GRM7: variants seen among roughly 807,000 people sequenced by gnomAD.
GRM7 encodes the protein glutamate metabotropic receptor 7.
A neutral mutation model predicts 84.5 loss-of-function variants in GRM7; 35 were observed. That is an observed-to-expected ratio of 0.41 (90% CI 0.32 to 0.55). GRM7 has a LOEUF of 0.55. GRM7 is among the 20% of genes least tolerant of loss of function. The pLI, the probability that GRM7 is intolerant of heterozygous loss-of-function variation, is 0.19. For synonymous variants in GRM7, 487 were observed against 455.1 expected (o/e 1.07, Z -0.89); for missense variants, 1,003 against 1,194.6 (o/e 0.84, Z 2.36).
rs1696811674 is a variant in GRM7 at position 7,431,100 on chromosome 3, C to A, written c.1174+15937C>A. Among the ~76,000 whole-genome samples, 4 of 152,220 alleles carry A rather than the reference C, an allele frequency of 2.6e-5. No individual in the cohort carries two copies. The South Asian group carries it at 8.3e-4, about 32-fold the overall frequency. ...CCAGGGGTTCCACATCTTCAGCCGG[C>A]ACTCATGAAACTATGTCGGGCTAAC... On this transcript the variant is annotated intron_variant, in intron 5 of 9. Coordinates refer to ENST00000357716, the MANE Select transcript of GRM7 (RefSeq NM_000844.4).
At chr3:6,987,572 G>A (rs762578810) in intron 1 of GRM7, among the ~76,000 whole-genome samples, 12 of 152,168 alleles carry the variant, frequency 7.9e-5, no homozygotes, top group East Asian at 1.9e-4. Flanking sequence ...AGGAGTGAAC[G>A]TGAGCATTCA....
At chr3:7,020,859 A>G (rs1176242301) in intron 1 of GRM7, among the ~76,000 whole-genome samples, 3 of 152,184 alleles carry the variant, frequency 2.0e-5, no homozygotes, top group Non-Finnish European at 4.4e-5. Context: ...TGCTGAGTCC[A>G]GTTGACAGAA....
chr3:6,887,752 G>A (rs1695758703), intron 1 of GRM7, among the ~76,000 whole-genome samples: 1 of 152,170 alleles, frequency 6.6e-6, no homozygotes, highest in Non-Finnish European at 1.5e-5. Flanking sequence ...ACCCCGTACT[G>A]GGATGGCTGG....
chr3:7,028,606 AT>A (rs1696066505), intron 1 of GRM7, among the ~76,000 whole-genome samples: 1 of 152,222 alleles, frequency 6.6e-6, no homozygotes, highest in Non-Finnish European at 1.5e-5. Context: ...TACACTGGAT[AT>A]CAGGCAGTTA....
intron 7 of GRM7, among the ~76,000 whole-genome samples, chr3:7,540,684 C>G (rs1037182996): frequency 2.6e-5 from 4 of 152,096 alleles, no homozygotes; most frequent in Admixed American, 6.5e-5. Flanking sequence ...AAGCCACTGA[C>G]TTACATCTTT....
intron 2 of GRM7, among the ~76,000 whole-genome samples, chr3:7,207,186 C>T (rs1348751225): frequency 1.3e-5 from 2 of 152,114 alleles, no homozygotes; most frequent in African/African-American, 2.4e-5. Flanking sequence ...CACAGCCTTC[C>T]GCCATTAGAG....
chr3:7,565,673 A>T (rs1257191705), intron 7 of GRM7, among the ~76,000 whole-genome samples: 1 of 152,200 alleles, frequency 6.6e-6, no homozygotes, highest in African/African-American at 2.4e-5. Flanking sequence ...TGATGATATT[A>T]ACCGAAAGGA....
intron 4 of GRM7, among the ~76,000 whole-genome samples, chr3:7,392,257 C>T (rs986957474): frequency 6.6e-6 from 1 of 152,308 alleles, no homozygotes; most frequent in East Asian, 1.9e-4. Flanking sequence ...AAAGCTGTCT[C>T]TGGCTGCATG....
intron 9 of GRM7, among the ~76,000 whole-genome samples, chr3:7,738,466 T>A (rs1219174804): frequency 6.6e-6 from 1 of 152,146 alleles, no homozygotes; most frequent in Non-Finnish European, 1.5e-5. Flanking sequence ...TTATATCCAA[T>A]TTTTTTAAAC....
intron 1 of GRM7, among the ~76,000 whole-genome samples, chr3:7,054,128 G>A (rs1697119927): frequency 6.7e-6 from 1 of 149,894 alleles, no homozygotes. Context: ...GCATATATAA[G>A]TTCATTTGAT....
chr3:6,937,696 T>C (rs1431683296), intron 1 of GRM7, among the ~76,000 whole-genome samples: 1 of 152,214 alleles, frequency 6.6e-6, no homozygotes, highest in Non-Finnish European at 1.5e-5. Flanking sequence ...AATGAGCTTG[T>C]AGAAACACCA....
intron 4 of GRM7, among the ~76,000 whole-genome samples, chr3:7,333,694 A>C (rs1223948811): frequency 1.0e-5 from 1 of 98,506 alleles, no homozygotes; most frequent in Non-Finnish European, 1.9e-5. Context: ...GTTGAAAACC[A>C]ACATAAAGAA....
At chr3:7,138,858 T>C (rs1327610940) in intron 1 of GRM7, among the ~76,000 whole-genome samples, 1 of 151,354 alleles carries the variant, frequency 6.6e-6, no homozygotes, top group East Asian at 1.9e-4. Context: ...ATTCCTAAGA[T>C]GTGTTCTGTT....
intron 4 of GRM7, among the ~76,000 whole-genome samples, chr3:7,338,978 A>G (rs1701532418): frequency 6.6e-6 from 1 of 151,972 alleles, no homozygotes; most frequent in Non-Finnish European, 1.5e-5. Flanking sequence ...TCAGCACCTG[A>G]CAATATCACC....
intron 6 of GRM7, among the ~76,000 whole-genome samples, chr3:7,456,232 T>C (rs893748866): frequency 2.0e-5 from 3 of 151,948 alleles, no homozygotes; most frequent in African/African-American, 7.3e-5. Flanking sequence ...GTTAGGTGAG[T>C]TTTCTTGATG....
intron 1 of GRM7, chr3:6,956,742 A>T (rs1226359351): frequency 2.3e-6 from 1 of 429,558 alleles, no homozygotes; most frequent in Admixed American, 2.6e-5. Context: ...CCGTTGTAGA[A>T]TGTCTCTTAT....
intron 8 of GRM7, among the ~76,000 whole-genome samples, chr3:7,641,449 A>G (rs571039741): frequency 3.3e-5 from 5 of 152,294 alleles, no homozygotes; most frequent in Non-Finnish European, 7.4e-5. Flanking sequence ...TTGTGGCTGA[A>G]TATTATCTAA....
At chr3:7,080,046 T>C (rs1244153923) in intron 1 of GRM7, among the ~76,000 whole-genome samples, 5 of 152,134 alleles carry the variant, frequency 3.3e-5, no homozygotes, top group Admixed American at 6.6e-5. Flanking sequence ...GCCAACCTTT[T>C]AAAAAGAATT....
At chr3:7,014,780 A>G (rs1695501337) in intron 1 of GRM7, among the ~76,000 whole-genome samples, 1 of 152,198 alleles carries the variant, frequency 6.6e-6, no homozygotes, top group African/African-American at 2.4e-5. Context: ...CCCAACATCT[A>G]GAAGCATCAG....
Sources: gnomAD v4.1 joint callset for allele counts (sites outside exome capture counted in the v4.1 genomes callset) on GRCh38, gnomAD v4.1.1 for gene constraint, MANE v1.5 for transcripts, NCBI Gene and HGNC (gene_info 2026-07-23, HGNC 2026-07-21) for gene names.